The following MAST2 variants were observed in gnomAD, a reference collection of about 807,000 sequenced individuals.
The protein encoded by MAST2 is microtubule associated serine/threonine kinase 2.
MAST2 carries 70 observed loss-of-function variants against 147.4 expected under a neutral mutation model. The observed-to-expected ratio is 0.47, with a 90% CI of 0.39 to 0.58. MAST2 has a LOEUF of 0.58. MAST2 is among the 20% of genes least tolerant of loss of function. The pLI is 0.00. For synonymous variants in MAST2, 869 were observed against 896.8 expected, an observed-to-expected ratio of 0.97 and a Z score of 0.55; for missense variants, 2,080 against 2,302.3, an observed-to-expected ratio of 0.90 and a Z score of 1.98.
intron 4 of MAST2, among the ~76,000 whole-genome samples, chr1:45,911,986 A>G (rs927980355): frequency 6.6e-6 from 1 of 151,506 alleles, no homozygotes; most frequent in Non-Finnish European, 1.5e-5. Flanking sequence ...TTAGCTGGGG[A>G]TGGGAGGATA....
At chr1:45,987,576 TG>T (rs1644678038) in intron 5 of MAST2, among the ~76,000 whole-genome samples, 1 of 152,126 alleles carries the variant, frequency 6.6e-6, no homozygotes, top group African/African-American at 2.4e-5. Context: ...CTTCCCAAAG[TG>T]CTGGAATTAC....
At chr1:45,827,280 CT>C (rs913524131) in intron 2 of MAST2, among the ~76,000 whole-genome samples, 1 of 152,196 alleles carries the variant, frequency 6.6e-6, no homozygotes, top group Non-Finnish European at 1.5e-5. Flanking sequence ...AAGAGGTTTT[CT>C]TTTTTTCTGT....
chr1:45,980,073 T>G (rs1470342223), intron 5 of MAST2, among the ~76,000 whole-genome samples: 6 of 151,876 alleles, frequency 4.0e-5, no homozygotes, highest in African/African-American at 1.2e-4. Context: ...TCACTTGAGG[T>G]CAGGAGTTCA....
At chr1:46,022,184 A>G (rs1646216128) in intron 12 of MAST2, 102 bp downstream of exon 12, 3 of 1,463,450 alleles carry the variant, frequency 2.0e-6, no homozygotes, top group Non-Finnish European at 2.8e-6. Context: ...GGACATGGAC[A>G]CAACATGGCC....
At chr1:45,946,136 G>T (rs895116200) in intron 4 of MAST2, among the ~76,000 whole-genome samples, 1 of 152,162 alleles carries the variant, frequency 6.6e-6, no homozygotes, top group Non-Finnish European at 1.5e-5. Flanking sequence ...GGAAATATAG[G>T]CATGCCTAGA....
chr1:46,009,221 A>G (rs1053086340), intron 9 of MAST2, among the ~76,000 whole-genome samples: 8 of 151,850 alleles, frequency 5.3e-5, no homozygotes, highest in African/African-American at 1.5e-4. Flanking sequence ...CGCCCGGCTA[A>G]TTTTTGTATT....
chr1:45,821,615 G>T (rs6662307), intron 1 of MAST2, among the ~76,000 whole-genome samples: 28,624 of 146,304 alleles, frequency 0.2, 3,350 homozygotes, highest in Non-Finnish European at 0.26. Context: ...TGCCTCTTGG[G>T]TTCAAGTCAT....
At chr1:45,913,581 A>T in intron 4 of MAST2, 1 of 989,358 alleles carries the variant, frequency 1.0e-6, no homozygotes, top group Non-Finnish European at 1.2e-6. Flanking sequence ...AGATCAGAGG[A>T]CAGCTGATTC....
chr1:45,942,949 C>T (rs2148812954), intron 4 of MAST2, among the ~76,000 whole-genome samples: 1 of 152,172 alleles, frequency 6.6e-6, no homozygotes, highest in Admixed American at 6.5e-5. Context: ...TTCCTGGTCC[C>T]CTTTAGAAGA....
At chr1:45,816,206 GGAGAGAGAGAGAGAAA>G (rs1032961029) in intron 1 of MAST2, among the ~76,000 whole-genome samples, 13 of 137,320 alleles carry the variant, frequency 9.5e-5, no homozygotes, top group Non-Finnish European at 1.9e-4. Flanking sequence ...GGGGTGGGGG[GGAGAGAGAGAGAGAAA>G]GAGAGAGAGA....
intron 5 of MAST2, among the ~76,000 whole-genome samples, chr1:45,968,067 G>GC (rs1643683988): frequency 6.6e-6 from 1 of 152,152 alleles, no homozygotes; most frequent in African/African-American, 2.4e-5. Flanking sequence ...ATGCTTGTTG[G>GC]AGCCTTTTAG....
intron 5 of MAST2, among the ~76,000 whole-genome samples, chr1:45,989,179 A>G (rs1317257426): frequency 1.4e-4 from 21 of 152,198 alleles, no homozygotes; most frequent in Admixed American, 1.4e-3. Flanking sequence ...TCTGGCTCCA[A>G]TTCAATATCA....
intron 3 of MAST2, among the ~76,000 whole-genome samples, chr1:45,837,080 A>G (rs1261245219): frequency 6.6e-6 from 1 of 152,168 alleles, no homozygotes; most frequent in Non-Finnish European, 1.5e-5. Context: ...TTCAGGCGGT[A>G]ATGCTCACCC....
At chr1:45,881,445 A>G (rs1473063247) in intron 3 of MAST2, among the ~76,000 whole-genome samples, 1 of 152,234 alleles carries the variant, frequency 6.6e-6, no homozygotes, top group African/African-American at 2.4e-5. Context: ...AATTTTTTAC[A>G]AATCCAAAAA....
Position 46,034,250 on chromosome 1 carries a change from C to T in MAST2, c.3852C>T (p.Pro1284=), listed in dbSNP as rs191618396. 2.4e-5 allele frequency: 39 copies of T among 1,612,972 alleles called. No individual in the cohort carries two copies. In the African/African-American group the frequency reaches 4.3e-4, roughly 18 times the overall value. The part of the protein sequence containing the change: ...RSPTQGYRVT[P]DAVHSVGGNS... The stretch of plus-strand genomic sequence containing the variant: ...CCACTCAAGGCTACCGGGTGACCCC[C>T]GATGCTGTGCATTCAGGTACGAAGG... Residue 1284 remains proline, a synonymous_variant, in exon 28 of 29, where the codon CCC becomes CCT. Transcript: ENST00000361297.
intron 4 of MAST2, among the ~76,000 whole-genome samples, chr1:45,953,934 T>C (rs545595134): frequency 3.3e-4 from 50 of 152,302 alleles, no homozygotes; most frequent in African/African-American, 1.2e-3. Flanking sequence ...TGTATTTTTT[T>C]CCCACTCTCA....
At chr1:45,890,180 G>A (rs1193320024) in intron 4 of MAST2, among the ~76,000 whole-genome samples, 2 of 151,878 alleles carry the variant, frequency 1.3e-5, no homozygotes, top group African/African-American at 2.4e-5. Flanking sequence ...GGGTTTCCCA[G>A]AACATACTTT....
intron 4 of MAST2, among the ~76,000 whole-genome samples, chr1:45,957,238 TATTC>T (rs1659784157): frequency 6.6e-6 from 1 of 152,220 alleles, no homozygotes; most frequent in Admixed American, 6.5e-5. Flanking sequence ...GTGAATCAAT[TATTC>T]ATTCCTTGTT....
At position 46,026,801 on chromosome 1, in the gene MAST2, A is replaced by T. The variant is rs371102131; in HGVS notation, c.1920-930A>T. ...AGGGTGATAAGCCTCTGTGGAAGAA[A>T]GTGGCTTTGACATAAGACAGACCTG... On this transcript the variant is annotated intron_variant, in intron 16 of 28. Coordinates refer to ENST00000361297, the MANE Select transcript of MAST2 (RefSeq NM_015112.3). 3.9e-5 allele frequency among the ~76,000 whole-genome samples: 6 copies of T among 152,310 alleles called. No individual in the cohort carries two copies. In the East Asian group the frequency reaches 7.7e-4, roughly 20 times the overall value.
Sources: allele counts gnomAD v4.1 joint callset (sites outside exome capture counted in the v4.1 genomes callset), GRCh38; gene constraint gnomAD v4.1.1; transcripts MANE v1.5; gene names NCBI Gene and HGNC (gene_info 2026-07-23, HGNC 2026-07-21).